EXTL1: variants seen among roughly 807,000 people sequenced by gnomAD.
EXTL1 encodes exostosin-like 1.
EXTL1 carries 43 observed loss-of-function variants against 64.6 expected under a neutral mutation model. That is an observed-to-expected ratio of 0.67 (90% confidence interval 0.52 to 0.86). EXTL1 has a LOEUF of 0.86. Ranked by LOEUF, EXTL1 falls within the 40% of genes least tolerant of loss-of-function variation. EXTL1 has a pLI of 0.00. For missense variants in EXTL1, 766 were observed against 879.0 expected, an observed-to-expected ratio of 0.87 and a Z score of 1.62; for synonymous variants, 352 against 360.5, an observed-to-expected ratio of 0.98 and a Z score of 0.27.
Position 26,035,525 on chromosome 1 carries a change from C to T in EXTL1, c.*178C>T, listed in dbSNP as rs1308152256. 5 of 491,054 alleles carry T rather than the reference C, an allele frequency of 1.0e-5. No homozygotes were observed. The highest frequency in any genetic ancestry group is 2.0e-5 in the African/African-American group (1 of 51,208). 30.4% of individuals were successfully genotyped at this position (491,054 alleles called of 1,614,324 possible). A position where few individuals can be genotyped will look rare whatever the true frequency, so the allele number is the denominator to read the frequency against. On this transcript the variant is annotated 3_prime_UTR_variant, in exon 11 of 11. Transcript: ENST00000374280. This position sits in a 1 kb window ranked among gnomAD's most constrained non-coding sequence, Gnocchi z 5.3. ...GGGGGCGTGGCCTTACCTTCTCCTG[C>T]TCGCCCTCAGCCGCGGAGCCTCTGC...
chr1:26,030,192 T>C (rs2050266585), intron 3 of EXTL1, among the ~76,000 whole-genome samples: 1 of 152,184 alleles, frequency 6.6e-6, no homozygotes, highest in Non-Finnish European at 1.5e-5. Context: ...GGGTTAATAG[T>C]AATTACCATT....
In EXTL1 at chr1:26,035,678, T is replaced by G; in HGVS notation, c.*331T>G. On this transcript the variant is annotated 3_prime_UTR_variant, in exon 11 of 11. Coordinates refer to ENST00000374280, the MANE Select transcript of EXTL1 (RefSeq NM_004455.3). The surrounding 1 kb of genome is among the most constrained non-coding windows in gnomAD (Gnocchi z 5.3). The stretch of plus-strand genomic sequence containing the variant: ...CTCCTCCCCCTCCGCCCCCAATGGG[T>G]TCGGTCTCCTTTGCGCTTTCGCAGT... 3 of 266,058 alleles carry G rather than the reference T, an allele frequency of 1.1e-5. No homozygotes were observed. The highest frequency in any genetic ancestry group is 6.9e-5 in the East Asian group (1 of 14,548). The allele number at this position is 266,058 out of a possible 1,614,324, so 16.5% of individuals were successfully genotyped here. A position where few individuals can be genotyped will look rare whatever the true frequency, so the allele number is the denominator to read the frequency against.
At chr1:26,029,096 G>A (rs777612293) in intron 1 of EXTL1, 97 bp from the exon 2 acceptor site, 5 of 783,772 alleles carry the variant, frequency 6.4e-6, no homozygotes, top group Non-Finnish European at 1.1e-5. Context: ...TGGGTGTGGG[G>A]TGCAGGGGTG....
Position 26,023,314 on chromosome 1 carries a change from G to A in EXTL1, c.668G>A (p.Gly223Glu), listed in dbSNP as rs1314371868. Residue 223 changes from glycine (G) to glutamate (E), a missense_variant, in exon 1 of 11, where the codon GGG becomes GAG. Physicochemically the swap from Gly to Glu is moderately conservative, Grantham distance 98. Transcript: ENST00000374280. ...GQLRQHSPQP[G>E]VALLALEEER... Reference sequence around the variant, plus strand: ...CTGCGGCAACACAGCCCCCAGCCCGGGGTAGCCCTGCTAGCCCTGGAAGAG... The same window carrying A: ...CTGCGGCAACACAGCCCCCAGCCCGAGGTAGCCCTGCTAGCCCTGGAAGAG... 1 of 1,550,344 alleles carries A rather than the reference G, an allele frequency of 6.5e-7. No homozygotes were observed. The highest frequency in any genetic ancestry group is 1.9e-5 in the Admixed American group (1 of 53,436).
At chr1:26,029,551 G>A (rs1209256741) in intron 2 of EXTL1, 49 bp from the exon 3 acceptor site, 1 of 1,124,364 alleles carries the variant, frequency 8.9e-7, no homozygotes, top group African/African-American at 1.5e-5. Context: ...CGGGGGGTGA[G>A]TATGTGCAGG....
In EXTL1 at chr1:26,022,963, C is replaced by T. The variant is rs960273829; in HGVS notation, c.317C>T (p.Thr106Ile). The change falls in exon 1 of 11, where the codon ACC becomes ATC. Residue 106 changes from threonine to isoleucine, a missense_variant. By Grantham distance (89) the Thr-to-Ile change is moderately conservative (BLOSUM62 -1). Coordinates refer to ENST00000374280, the MANE Select transcript of EXTL1 (RefSeq NM_004455.3). Reference sequence around the variant, plus strand: ...GTATTCGTGTACCCAGCGGTTGGAACCATCTCTGAGACTCATCGCAGGATC... The same window carrying T: ...GTATTCGTGTACCCAGCGGTTGGAATCATCTCTGAGACTCATCGCAGGATC... ...LKVFVYPAVG[T>I]ISETHRRILA... is the part of the protein sequence containing the mutation. 12 of 1,614,060 alleles carry T rather than the reference C, an allele frequency of 7.4e-6. No individual in the cohort carries two copies. In the African/African-American group the frequency reaches 1.3e-4, roughly 18 times the overall value.
chr1:26,034,970 C>G lies in EXTL1; in HGVS notation c.1814C>G (p.Pro605Arg). Residue 605 changes from proline to arginine, a missense_variant, in exon 10 of 11, where the codon CCC (proline) becomes CGC (arginine). Physicochemically the swap from Pro to Arg is moderately radical, Grantham distance 103 (BLOSUM62 -2). Around this residue, in one of 3 missense-constraint regions of EXTL1, gnomAD observed 194 missense variants for 214.5 expected, o/e 0.90. Transcript: ENST00000374280. This position sits in a 1 kb window ranked among gnomAD's most constrained non-coding sequence, Gnocchi z 4.6. ...AVTKLPPIKV[P>R]YGKQRQEAAP... is the part of the protein sequence containing the mutation. ...ACCAAGCTGCCCCCTATCAAGGTGC[C>G]CTATGGCAAGCAGCGCCAGGAGGCT... 6.2e-7 allele frequency: 1 copy of G among 1,614,186 alleles called. No homozygotes were observed. The highest frequency in any genetic ancestry group is 8.5e-7 in the Non-Finnish European group (1 of 1,180,034).
At position 26,033,665 on chromosome 1, in the gene EXTL1, T is replaced by A; in HGVS notation, c.1519-31T>A. The A allele has an allele frequency of 6.2e-7, 1 of 1,607,750 alleles. No homozygotes were observed. The highest frequency in any genetic ancestry group is 8.5e-7 in the Non-Finnish European group (1 of 1,176,524). ...GATGTTCTAGGCATTTAGGAGGTCC[T>A]TCCTCACAGCTCACTTGAGTCCCTC... On this transcript the variant is annotated intron_variant, in intron 8 of 10. Coordinates refer to ENST00000374280, the MANE Select transcript of EXTL1 (RefSeq NM_004455.3). The surrounding 1 kb of genome is among the most constrained non-coding windows in gnomAD (Gnocchi z 5.1).
rs1040452719 is a variant in EXTL1 at position 26,025,293 on chromosome 1, G to T, written c.779+1868G>T. Among the ~76,000 whole-genome samples the T allele has an allele frequency of 1.3e-5, 2 of 152,238 alleles. No individual in the cohort carries two copies. Among genetic ancestry groups the T allele is most frequent in the African/African-American group, 4.8e-5 (2 of 41,468 alleles). ...CCCACATTCACTCAGCCGGGCGAGAGTGGGGAGAGGAGGAGGCTACATTTG... is the reference window on the plus strand; with the variant it reads ...CCCACATTCACTCAGCCGGGCGAGATTGGGGAGAGGAGGAGGCTACATTTG... On this transcript the variant is annotated intron_variant, in intron 1 of 10. Coordinates refer to ENST00000374280, the MANE Select transcript of EXTL1 (RefSeq NM_004455.3). The surrounding 1 kb of genome is among the most constrained non-coding windows in gnomAD (Gnocchi z 5.3).
chr1:26,022,430 C>A lies in EXTL1; in HGVS notation c.-217C>A. On this transcript the variant is annotated 5_prime_UTR_variant, in exon 1 of 11. The change creates a new upstream start codon in the 5' untranslated region. Transcript: ENST00000374280. ...AGAGCAGGGGGGCCAGGCCAGCAAG[C>A]TGGGTCCCACCTGGCCTCCTCCTGC... 2.0e-6 allele frequency: 1 copy of A among 510,454 alleles called. No individual in the cohort carries two copies. The highest frequency in any genetic ancestry group is 3.4e-5 in the South Asian group (1 of 29,266). 31.6% of individuals were successfully genotyped at this position (510,454 alleles called of 1,614,324 possible).
rs1186982552 is a variant in EXTL1 at position 26,025,648 on chromosome 1, A to G, written c.779+2223A>G. ...TTCAAATTGTTATTTATTCATTTTTATGAATAGGTAATTCATTCACATGGT... is the reference window on the plus strand; with the variant it reads ...TTCAAATTGTTATTTATTCATTTTTGTGAATAGGTAATTCATTCACATGGT... On this transcript the variant is annotated intron_variant, in intron 1 of 10. Coordinates refer to ENST00000374280, the MANE Select transcript of EXTL1 (RefSeq NM_004455.3). This position sits in a 1 kb window ranked among gnomAD's most constrained non-coding sequence, Gnocchi z 5.3. 6.6e-6 allele frequency among the ~76,000 whole-genome samples: 1 copy of G among 152,202 alleles called. No individual in the cohort carries two copies. The highest frequency in any genetic ancestry group is 6.5e-5 in the Admixed American group (1 of 15,282).
chr1:26,029,607 G>A lies in EXTL1; in HGVS notation c.881G>A (p.Cys294Tyr), dbSNP rs776617542. Reference protein sequence around the residue: ...SRFLQALQAGCIPVLLSPRWE... With the variant: ...SRFLQALQAGYIPVLLSPRWE... Reference sequence around the variant, plus strand: ...GACCTCCCCGCCCCCCAGGCCGGCTGCATCCCAGTGCTTCTCAGCCCCCGC... The same window carrying A: ...GACCTCCCCGCCCCCCAGGCCGGCTACATCCCAGTGCTTCTCAGCCCCCGC... Residue 294 changes from cysteine to tyrosine, a missense_variant, in exon 3 of 11, where the codon TGC (cysteine) becomes TAC (tyrosine). By Grantham distance (194) the Cys-to-Tyr change is radical. Transcript: ENST00000374280. 6.2e-7 allele frequency: 1 copy of A among 1,604,546 alleles called. No individual in the cohort carries two copies. The highest frequency in any genetic ancestry group is 1.7e-5 in the Admixed American group (1 of 59,640).
At position 26,022,666 on chromosome 1, in the gene EXTL1, G is replaced by T; in HGVS notation, c.20G>T (p.Arg7Ile). The change falls in exon 1 of 11, where the codon AGA becomes ATA. Residue 7 changes from arginine to isoleucine, a missense_variant. Coordinates refer to ENST00000374280, the MANE Select transcript of EXTL1 (RefSeq NM_004455.3). MQSWRR[R>I]KSLWLALSAS... ...GGCCACATGCAGTCGTGGAGGAGAA[G>T]AAAGTCCCTGTGGCTGGCACTGTCA... The T allele has an allele frequency of 1.2e-6, 2 of 1,604,422 alleles. No homozygotes were observed. Among genetic ancestry groups the T allele is most frequent in the Non-Finnish European group, 1.7e-6 (2 of 1,174,694 alleles).
chr1:26,025,195 C>G lies in EXTL1; in HGVS notation c.779+1770C>G, dbSNP rs1219339356. 6.6e-6 allele frequency among the ~76,000 whole-genome samples: 1 copy of G among 152,134 alleles called. No homozygotes were observed. Among genetic ancestry groups the G allele is most frequent in the Non-Finnish European group, 1.5e-5 (1 of 68,016 alleles). On this transcript the variant is annotated intron_variant, in intron 1 of 10. Coordinates refer to ENST00000374280, the MANE Select transcript of EXTL1 (RefSeq NM_004455.3). The surrounding 1 kb of genome is among the most constrained non-coding windows in gnomAD (Gnocchi z 5.3). ...CTGCCTGGGCCAGACAGCCTAGGGA[C>G]AGAGTGAGAGAGATAGCCTGAATAA...
rs2050158040 is a variant in EXTL1, at chr1:26,022,263, G to A, written c.-384G>A. The A allele has an allele frequency of 5.5e-6, 1 of 182,082 alleles. No individual in the cohort carries two copies. Among genetic ancestry groups the A allele is most frequent in the Admixed American group, 6.0e-5 (1 of 16,628 alleles). 11.3% of individuals were successfully genotyped at this position (182,082 alleles called of 1,614,324 possible). ...TCTCAGTTGAGGGCAAGGTCAAGGGGTGCAGCCAGGAGGGCAGGGGGACAC... is the reference window on the plus strand; with the variant it reads ...TCTCAGTTGAGGGCAAGGTCAAGGGATGCAGCCAGGAGGGCAGGGGGACAC... On this transcript the variant is annotated 5_prime_UTR_variant, in exon 1 of 11. It adds an upstream start codon to the 5' untranslated region. Transcript: ENST00000374280.
intron 2 of EXTL1, 74 bp downstream of exon 2, chr1:26,029,360 A>G (rs2050255601): frequency 3.2e-6 from 4 of 1,248,900 alleles, no homozygotes; most frequent in Non-Finnish European, 3.5e-6. Flanking sequence ...CTCTGGGTCC[A>G]GGCCAATGAG....
chr1:26,027,056 C>G (rs1161797688), intron 1 of EXTL1, among the ~76,000 whole-genome samples: 1 of 152,168 alleles, frequency 6.6e-6, no homozygotes, highest in Non-Finnish European at 1.5e-5. Context: ...TCTCTTGGTC[C>G]CAGATCTATT....
Position 26,033,925 on chromosome 1 carries a change from G to T in EXTL1, c.1679+69G>T. On this transcript the variant is annotated intron_variant, in intron 9 of 10. Transcript: ENST00000374280. This position sits in a 1 kb window ranked among gnomAD's most constrained non-coding sequence, Gnocchi z 5.1. ...CAGAGACCCCACCCCCACCCCGAAC[G>T]GAGCAGAGTGGCCTAGACCCCAGGG... The T allele has an allele frequency of 5.6e-6, 8 of 1,434,596 alleles. No individual in the cohort carries two copies. Among genetic ancestry groups the T allele is most frequent in the Non-Finnish European group, 7.5e-6 (8 of 1,069,618 alleles). 88.9% of individuals were successfully genotyped at this position (1,434,596 alleles called of 1,614,324 possible).
At chr1:26,031,064 C>T in intron 4 of EXTL1, 68 bp from the exon 5 acceptor site, 1 of 1,599,364 alleles carries the variant, frequency 6.3e-7, no homozygotes, top group Non-Finnish European at 8.6e-7. Flanking sequence ...CTCCCCAGAG[C>T]CTGGAAGGGG....
Sources: allele counts gnomAD v4.1 joint callset (sites outside exome capture counted in the v4.1 genomes callset), GRCh38; gene constraint gnomAD v4.1.1; regional missense constraint gnomAD v4.1.1; non-coding constraint Gnocchi (gnomAD v3.1); transcripts MANE v1.5; gene names NCBI Gene and HGNC (gene_info 2026-07-23, HGNC 2026-07-21).